Variants in LYRM4 observed in about 807,000 individuals in gnomAD.
LYRM4 encodes LYR motif containing 4.
A neutral mutation model predicts 11.7 loss-of-function variants in LYRM4; 9 were observed. That is an observed-to-expected ratio of 0.77 (90% confidence interval 0.46 to 1.34). The LOEUF is 1.34. LYRM4 is among the 40% of genes most tolerant of loss of function. The pLI is 0.00. For synonymous variants in LYRM4, 42 were observed against 40.4 expected, an observed-to-expected ratio of 1.04 and a Z score of -0.15; for missense variants, 133 against 112.5, an observed-to-expected ratio of 1.18 and a Z score of -0.82.
intron 2 of LYRM4, among the ~76,000 whole-genome samples, chr6:5,183,443 CTAT>C (rs374006019): frequency 6.6e-6 from 1 of 152,114 alleles, no homozygotes; most frequent in African/African-American, 2.4e-5. Context: ...ATGGTAACTG[CTAT>C]TATTATTATA....
intron 2 of LYRM4, among the ~76,000 whole-genome samples, chr6:5,179,139 T>C (rs956252379): frequency 6.6e-6 from 1 of 151,540 alleles, no homozygotes; most frequent in Non-Finnish European, 1.5e-5. Context: ...GGGCTAAGTT[T>C]TTATTTTTAT....
intron 1 of LYRM4, among the ~76,000 whole-genome samples, chr6:5,229,369 A>G (rs939125534): frequency 1.3e-5 from 2 of 152,160 alleles, no homozygotes; most frequent in Non-Finnish European, 2.9e-5. Flanking sequence ...AAAGCGGGCG[A>G]TTGTCTTCCA....
At chr6:5,113,070 C>G (rs1253058439) in intron 2 of LYRM4, 1 of 197,900 alleles carries the variant, frequency 5.1e-6, no homozygotes, top group South Asian at 6.7e-5. Flanking sequence ...AAAAAGATCA[C>G]CTTGTCTTCA....
chr6:5,130,816 A>C (rs1169720496), intron 2 of LYRM4, among the ~76,000 whole-genome samples: 1 of 152,236 alleles, frequency 6.6e-6, no homozygotes, highest in Non-Finnish European at 1.5e-5. Flanking sequence ...TACAGAAGAC[A>C]GTCATTAAGG....
At chr6:5,205,714 A>T (rs1761658906) in intron 2 of LYRM4, among the ~76,000 whole-genome samples, 1 of 152,198 alleles carries the variant, frequency 6.6e-6, no homozygotes, top group South Asian at 2.1e-4. Context: ...GGTTCAAAGC[A>T]AGAGGAAAAT....
chr6:5,217,675 T>C (rs1284757997), intron 1 of LYRM4, among the ~76,000 whole-genome samples: 1 of 152,250 alleles, frequency 6.6e-6, no homozygotes, highest in Non-Finnish European at 1.5e-5. Context: ...CTGTTCCCTC[T>C]CCTCATGCCA....
At chr6:5,073,764 C>T in the LYRM4 span, among the ~76,000 whole-genome samples, 195 of 152,190 alleles carry the variant, frequency 1.3e-3, 1 homozygote, top group African/African-American at 3.8e-3. Flanking sequence ...ATCAGAATGT[C>T]AGCAAGAGGG....
At chr6:5,125,787 A>G (rs1472625405) in intron 2 of LYRM4, among the ~76,000 whole-genome samples, 1 of 152,244 alleles carries the variant, frequency 6.6e-6, no homozygotes, top group East Asian at 1.9e-4. Flanking sequence ...GCTCAGTGAG[A>G]AAAGCTCTGG....
At chr6:5,191,704 G>GA (rs1760764711) in intron 2 of LYRM4, among the ~76,000 whole-genome samples, 1 of 152,184 alleles carries the variant, frequency 6.6e-6, no homozygotes, top group Non-Finnish European at 1.5e-5. Flanking sequence ...TAATGGGTCT[G>GA]AAAACCACTG....
chr6:5,224,858 G>A (rs538789642), intron 1 of LYRM4, among the ~76,000 whole-genome samples: 1 of 152,172 alleles, frequency 6.6e-6, no homozygotes, highest in East Asian at 1.9e-4. Flanking sequence ...TACTCGGTAG[G>A]CTGAGGCAGA....
chr6:5,140,508 AG>A, intron 2 of LYRM4, among the ~76,000 whole-genome samples: 1 of 152,342 alleles, frequency 6.6e-6, no homozygotes, highest in East Asian at 1.9e-4. Flanking sequence ...ACCAACACAA[AG>A]GTTTAGACAA....
At chr6:5,070,089 A>G in the LYRM4 span, among the ~76,000 whole-genome samples, 1 of 152,260 alleles carries the variant, frequency 6.6e-6, no homozygotes. Flanking sequence ...CTCTAACATT[A>G]TTCCATTTTA....
intron 2 of LYRM4, among the ~76,000 whole-genome samples, chr6:5,213,132 G>A (rs781644699): frequency 2.0e-5 from 3 of 152,182 alleles, no homozygotes; most frequent in Non-Finnish European, 2.9e-5. Flanking sequence ...AGTTTCTACT[G>A]ACTCAGGAGC....
rs1757574890 is a variant in LYRM4, at chr6:5,144,272, G to T, written c.208-34781C>A. On this transcript the variant is annotated intron_variant, in intron 2 of 2. Transcript: ENST00000330636. Reference sequence around the variant, plus strand: ...TGCCTTGCTCAGCTACCTGCACTGAGATACAGGCAAGTCTTGGGTGAGGGC... The same window carrying T: ...TGCCTTGCTCAGCTACCTGCACTGATATACAGGCAAGTCTTGGGTGAGGGC... 2.0e-6 allele frequency: 3 copies of T among 1,536,960 alleles called. No individual in the cohort carries two copies. In the African/African-American group the frequency reaches 4.1e-5, roughly 21 times the overall value.
At chr6:5,045,724 A>G in the LYRM4 span, among the ~76,000 whole-genome samples, 1 of 152,198 alleles carries the variant, frequency 6.6e-6, no homozygotes, top group Non-Finnish European at 1.5e-5. Context: ...TTTTGCCTCT[A>G]GGTAGAAGCT....
intron 2 of LYRM4, among the ~76,000 whole-genome samples, chr6:5,179,958 G>C (rs1236178642): frequency 1.3e-5 from 2 of 152,312 alleles, no homozygotes; most frequent in Non-Finnish European, 1.5e-5. Context: ...AAGTATGGCA[G>C]ATAGAATCTT....
chr6:5,214,251 G>T (rs1006113132), intron 2 of LYRM4, among the ~76,000 whole-genome samples: 6 of 152,238 alleles, frequency 3.9e-5, no homozygotes, highest in African/African-American at 1.4e-4. Flanking sequence ...GTGGTCCCAG[G>T]GGGGCCCCTA....
chr6:5,125,809 G>A (rs563785699), intron 2 of LYRM4, among the ~76,000 whole-genome samples: 1 of 152,346 alleles, frequency 6.6e-6, no homozygotes, highest in South Asian at 2.1e-4. Context: ...TTTGCACTCT[G>A]ACCTCTGAAT....
At chr6:5,047,004 T>A in the LYRM4 span, among the ~76,000 whole-genome samples, 3 of 151,864 alleles carry the variant, frequency 2.0e-5, no homozygotes, top group Admixed American at 2.0e-4. Context: ...GGTGGGAGAA[T>A]CTCCTGAGCC....
Sources: allele counts gnomAD v4.1 joint callset (sites outside exome capture counted in the v4.1 genomes callset), GRCh38; gene constraint gnomAD v4.1.1; transcripts MANE v1.5; gene names NCBI Gene and HGNC (gene_info 2026-07-23, HGNC 2026-07-21).